Variants in GPC5 observed in about 807,000 individuals in gnomAD.
GPC5 encodes glypican-5.
GPC5 carries 47 observed loss-of-function variants against 53.9 expected under a neutral mutation model. That is an observed-to-expected ratio of 0.87 (90% CI 0.69 to 1.11). The LOEUF (loss-of-function observed/expected upper bound fraction) is 1.11, where lower values mean the gene tolerates loss of function less well. Ranked by LOEUF, GPC5 falls within the 50% of genes most tolerant of loss-of-function variation. GPC5 has a pLI of 0.00. For synonymous variants in GPC5, 286 were observed against 263.3 expected, an observed-to-expected ratio of 1.09 and a Z score of -0.84; for missense variants, 748 against 713.1, an observed-to-expected ratio of 1.05 and a Z score of -0.56.
intron 2 of GPC5, among the ~76,000 whole-genome samples, chr13:91,484,061 T>G (rs552696454): frequency 7.9e-5 from 12 of 152,340 alleles, no homozygotes; most frequent in Middle Eastern, 3.4e-3. Flanking sequence ...TCTATTATAG[T>G]TGAGTTATTT....
At chr13:92,128,276 A>C (rs2041715959) in intron 6 of GPC5, among the ~76,000 whole-genome samples, 1 of 152,132 alleles carries the variant, frequency 6.6e-6, no homozygotes. Flanking sequence ...CCTTTTATAG[A>C]GAGTGGTTCA....
chr13:92,569,393 A>C (rs1882955990), intron 7 of GPC5, among the ~76,000 whole-genome samples: 2 of 151,992 alleles, frequency 1.3e-5, no homozygotes, highest in South Asian at 4.1e-4. Flanking sequence ...TTATTCCATC[A>C]AATAAGCCCT....
intron 6 of GPC5, among the ~76,000 whole-genome samples, chr13:91,932,799 G>C (rs1188264485): frequency 6.6e-6 from 1 of 151,800 alleles, no homozygotes; most frequent in Non-Finnish European, 1.5e-5. Flanking sequence ...TTTTCCAATT[G>C]ATGGTTCTGC....
chr13:91,750,008 C>A (rs947483134), intron 4 of GPC5, among the ~76,000 whole-genome samples: 3 of 152,110 alleles, frequency 2.0e-5, no homozygotes, highest in African/African-American at 7.2e-5. Flanking sequence ...CGGGGTTTAG[C>A]CATGTTGGCC....
At chr13:92,831,745 C>G (rs1424577306) in intron 7 of GPC5, among the ~76,000 whole-genome samples, 1 of 152,156 alleles carries the variant, frequency 6.6e-6, no homozygotes, top group Non-Finnish European at 1.5e-5. Context: ...TGAGCTCTCT[C>G]TGTATTTCTA....
At chr13:92,643,252 T>G (rs538871721) in intron 7 of GPC5, among the ~76,000 whole-genome samples, 136 of 152,158 alleles carry the variant, frequency 8.9e-4, no homozygotes, top group African/African-American at 3.1e-3. Flanking sequence ...GTCAATTTTG[T>G]CTTTTGTTGC....
At chr13:92,612,211 G>A (rs1207842508) in intron 7 of GPC5, among the ~76,000 whole-genome samples, 2 of 151,984 alleles carry the variant, frequency 1.3e-5, no homozygotes, top group African/African-American at 4.8e-5. Flanking sequence ...TAATGCTAGC[G>A]ATTATTACCT....
chr13:92,369,189 G>A (rs552961942), intron 7 of GPC5, among the ~76,000 whole-genome samples: 148 of 152,282 alleles, frequency 9.7e-4, no homozygotes, highest in African/African-American at 3.2e-3. Flanking sequence ...TTTTGTGTAT[G>A]TTGTGTGTTT....
chr13:92,049,325 C>A (rs7987911), intron 6 of GPC5, among the ~76,000 whole-genome samples: 5,822 of 152,200 alleles, frequency 0.038, 367 homozygotes, highest in African/African-American at 0.13. Flanking sequence ...ATATCACTAT[C>A]TGACCTTATA....
At chr13:92,602,220 A>ACT (rs199679809) in intron 7 of GPC5, among the ~76,000 whole-genome samples, 1 of 110,254 alleles carries the variant, frequency 9.1e-6, no homozygotes, top group Non-Finnish European at 1.8e-5. Context: ...CATATATATA[A>ACT]ATATATATAT....
intron 7 of GPC5, among the ~76,000 whole-genome samples, chr13:92,457,657 T>C (rs73632222): frequency 0.016 from 2,477 of 152,274 alleles, 65 homozygotes; most frequent in African/African-American, 0.056. Flanking sequence ...GCTTTGTGTA[T>C]CTCGCTAGCT....
intron 7 of GPC5, among the ~76,000 whole-genome samples, chr13:92,574,851 T>C (rs1883143007): frequency 6.6e-6 from 1 of 152,172 alleles, no homozygotes; most frequent in Non-Finnish European, 1.5e-5. Flanking sequence ...GCTGGTCTTA[T>C]CTAGCAAGAA....
rs572529878 is a variant in GPC5, at chr13:92,341,383, G to A, written c.1561+196394G>A. Among the ~76,000 whole-genome samples, 19 of 152,098 alleles carry A rather than the reference G, an allele frequency of 1.2e-4. No individual in the cohort carries two copies. The South Asian group carries it at 3.9e-3, about 32-fold the overall frequency. On this transcript the variant is annotated intron_variant, in intron 7 of 7. Transcript: ENST00000377067. ...TGTCAACTTCCAACTTTTGGTAAGAGATATATGAGAGACACAAAGATTTTT... is the reference window on the plus strand; with the variant it reads ...TGTCAACTTCCAACTTTTGGTAAGAAATATATGAGAGACACAAAGATTTTT...
chr13:91,855,357 A>G (rs1044669854), intron 5 of GPC5, among the ~76,000 whole-genome samples: 6 of 151,602 alleles, frequency 4.0e-5, no homozygotes, highest in Admixed American at 1.3e-4. Flanking sequence ...AGTATCTGTA[A>G]AATGTATACT....
chr13:92,676,065 A>G (rs1432328109), intron 7 of GPC5, among the ~76,000 whole-genome samples: 1 of 152,184 alleles, frequency 6.6e-6, no homozygotes, highest in Non-Finnish European at 1.5e-5. Context: ...ATTTTTTGCC[A>G]TGAATTTCAA....
At chr13:92,263,056 G>C (rs1242838607) in intron 7 of GPC5, among the ~76,000 whole-genome samples, 2 of 152,044 alleles carry the variant, frequency 1.3e-5, no homozygotes, top group African/African-American at 4.8e-5. Flanking sequence ...ATAGAGAGTA[G>C]CCATCTTAAC....
At chr13:92,804,007 C>T (rs890637823) in intron 7 of GPC5, among the ~76,000 whole-genome samples, 1 of 151,350 alleles carries the variant, frequency 6.6e-6, no homozygotes, top group Non-Finnish European at 1.5e-5. Context: ...AGATGACTGG[C>T]GTAAAACTCA....
At chr13:91,469,057 C>T (rs1445914960) in intron 2 of GPC5, among the ~76,000 whole-genome samples, 5 of 150,780 alleles carry the variant, frequency 3.3e-5, no homozygotes, top group Non-Finnish European at 7.4e-5. Flanking sequence ...TTCTTTGTCT[C>T]GTCTTGTCTC....
chr13:91,986,263 C>T (rs1475212000), intron 6 of GPC5, among the ~76,000 whole-genome samples: 1 of 151,702 alleles, frequency 6.6e-6, no homozygotes, highest in Non-Finnish European at 1.5e-5. Context: ...GACGGGGTTT[C>T]ATCATGTTAG....
Sources: gnomAD v4.1 joint callset for allele counts (sites outside exome capture counted in the v4.1 genomes callset) on GRCh38, gnomAD v4.1.1 for gene constraint, MANE v1.5 for transcripts, NCBI Gene and HGNC (gene_info 2026-07-23, HGNC 2026-07-21) for gene names.